ROBO1: variants seen among roughly 807,000 people sequenced by gnomAD.
ROBO1 encodes the protein roundabout guidance receptor 1, also known as roundabout homolog 1.
Under a neutral mutation model 195.9 loss-of-function variants are expected in ROBO1, and 149 were observed. The ratio of observed to expected loss-of-function variants is 0.76; its 90% CI spans 0.67 to 0.87. The LOEUF (loss-of-function observed/expected upper bound fraction) is 0.87. ROBO1 is among the 40% of genes least tolerant of loss of function. The pLI is 0.00. For synonymous variants in ROBO1, 816 were observed against 733.2 expected (o/e 1.11, Z -1.82); for missense variants, 1,933 against 2,068.3 (o/e 0.93, Z 1.27).
intron 2 of ROBO1, among the ~76,000 whole-genome samples, chr3:79,356,262 AC>A (rs1353157777): frequency 1.3e-5 from 2 of 152,112 alleles, no homozygotes; most frequent in Non-Finnish European, 2.9e-5. Context: ...AATCATCCAA[AC>A]CTGGGAGGTG....
chr3:78,952,244 A>G (rs967121479), intron 3 of ROBO1, among the ~76,000 whole-genome samples: 1 of 151,330 alleles, frequency 6.6e-6, no homozygotes, highest in South Asian at 2.1e-4. Flanking sequence ...AAACTGTTAA[A>G]AGCAGAAGAG....
chr3:79,535,714 G>A (rs1440997572), intron 2 of ROBO1, among the ~76,000 whole-genome samples: 2 of 151,968 alleles, frequency 1.3e-5, no homozygotes, highest in Non-Finnish European at 2.9e-5. Context: ...TTTACTCCCT[G>A]CCATTTCTTA....
intron 1 of ROBO1, among the ~76,000 whole-genome samples, chr3:79,608,807 G>T (rs1281902069): frequency 1.3e-5 from 2 of 151,906 alleles, no homozygotes; most frequent in Non-Finnish European, 2.9e-5. Flanking sequence ...CCTTGTGATA[G>T]ATTTTGCTGT....
At chr3:79,661,019 C>T (rs537205699) in intron 1 of ROBO1, among the ~76,000 whole-genome samples, 46 of 152,162 alleles carry the variant, frequency 3.0e-4, no homozygotes, top group African/African-American at 1.1e-3. Flanking sequence ...CCTAAAGGGC[C>T]TGATCCAACA....
intron 3 of ROBO1, among the ~76,000 whole-genome samples, chr3:79,012,449 C>T (rs1166631308): frequency 6.6e-6 from 1 of 152,162 alleles, no homozygotes; most frequent in Non-Finnish European, 1.5e-5. Context: ...TCTACAATTG[C>T]TTACCTTCTA....
chr3:79,541,295 C>G lies in ROBO1; in HGVS notation c.88+48529G>C, dbSNP rs548537177. ...CTTATAATTTAAGTGACGTGACAGG[C>G]CAATTCATGCCACTGATTTGACGTT... On this transcript the variant is annotated intron_variant, in intron 2 of 30. Coordinates refer to ENST00000464233, the MANE Select transcript of ROBO1 (RefSeq NM_002941.4). 3.9e-5 allele frequency among the ~76,000 whole-genome samples: 6 copies of G among 152,110 alleles called. No homozygotes were observed. In the South Asian group the frequency reaches 1.2e-3, roughly 32 times the overall value.
intron 5 of ROBO1, among the ~76,000 whole-genome samples, chr3:78,741,292 G>T (rs540683893): frequency 6.6e-6 from 1 of 152,258 alleles, no homozygotes; most frequent in South Asian, 2.1e-4. Flanking sequence ...TTGATGCCTG[G>T]AACTTGGTGC....
chr3:78,626,811 A>G (rs1704818696), intron 26 of ROBO1, among the ~76,000 whole-genome samples: 1 of 146,906 alleles, frequency 6.8e-6, no homozygotes, highest in Admixed American at 6.7e-5. Context: ...TAAACTACTC[A>G]AAACTCATAT....
intron 4 of ROBO1, among the ~76,000 whole-genome samples, chr3:78,854,366 A>G (rs900318895): frequency 2.4e-4 from 36 of 148,816 alleles, no homozygotes; most frequent in African/African-American, 8.5e-4. Flanking sequence ...ATATAAAAAT[A>G]TAAATACATA....
At chr3:79,518,605 C>T (rs1559959401) in intron 2 of ROBO1, among the ~76,000 whole-genome samples, 1 of 152,048 alleles carries the variant, frequency 6.6e-6, no homozygotes, top group Non-Finnish European at 1.5e-5. Flanking sequence ...GGAGTGATAA[C>T]AGAACATAAA....
chr3:78,619,596 G>A (rs2107414392), intron 26 of ROBO1, among the ~76,000 whole-genome samples: 1 of 151,898 alleles, frequency 6.6e-6, no homozygotes, highest in African/African-American at 2.4e-5. Context: ...CTAGGAGAAT[G>A]CACCTGGCAG....
chr3:79,548,124 A>T (rs376450930), intron 2 of ROBO1, among the ~76,000 whole-genome samples: 1 of 152,306 alleles, frequency 6.6e-6, no homozygotes, highest in East Asian at 1.9e-4. Context: ...CCAGCAAATC[A>T]TCTGAGAGAA....
intron 2 of ROBO1, among the ~76,000 whole-genome samples, chr3:79,412,685 A>G (rs1016028860): frequency 6.6e-6 from 1 of 152,074 alleles, no homozygotes; most frequent in African/African-American, 2.4e-5. Flanking sequence ...TTCTGTATTC[A>G]GAGAATACTG....
intron 3 of ROBO1, among the ~76,000 whole-genome samples, chr3:79,033,078 G>T (rs1277266727): frequency 6.6e-6 from 1 of 151,932 alleles, no homozygotes; most frequent in Non-Finnish European, 1.5e-5. Context: ...AAACTCCTAA[G>T]ATTTTAGTTT....
intron 2 of ROBO1, among the ~76,000 whole-genome samples, chr3:79,378,231 T>C (rs1284417052): frequency 2.0e-5 from 3 of 151,924 alleles, no homozygotes; most frequent in Admixed American, 6.6e-5. Context: ...CTCTGCTCTG[T>C]CCACTTTAGG....
intron 2 of ROBO1, among the ~76,000 whole-genome samples, chr3:79,547,725 A>C (rs1294877060): frequency 4.6e-5 from 7 of 152,174 alleles, no homozygotes; most frequent in African/African-American, 1.7e-4. Flanking sequence ...AAACCTTATA[A>C]ACATTAACAT....
intron 2 of ROBO1, among the ~76,000 whole-genome samples, chr3:79,473,368 G>C (rs1046336821): frequency 6.6e-6 from 1 of 152,030 alleles, no homozygotes; most frequent in Non-Finnish European, 1.5e-5. Flanking sequence ...GACTCCGGAG[G>C]GAACCAACCT....
chr3:78,598,886 T>C lies in ROBO1; in HGVS notation c.*27A>G. The C allele has an allele frequency of 6.6e-7, 1 of 1,522,460 alleles. No individual in the cohort carries two copies. Among genetic ancestry groups the C allele is most frequent in the Non-Finnish European group, 8.9e-7 (1 of 1,118,348 alleles). The allele number at this position is 1,522,460 out of a possible 1,614,324, so 94.3% of individuals were successfully genotyped here. A position where few individuals can be genotyped will look rare whatever the true frequency, so the allele number is the denominator to read the frequency against. ...GCATCTTGAGTGATGATTTTCACAT[T>C]AGATCTCATAAGCCTCTTGGTTGTC... On this transcript the variant is annotated 3_prime_UTR_variant, in exon 31 of 31. Coordinates refer to ENST00000464233, the MANE Select transcript of ROBO1 (RefSeq NM_002941.4).
intron 2 of ROBO1, among the ~76,000 whole-genome samples, chr3:79,160,159 G>A (rs961518745): frequency 6.6e-6 from 1 of 151,712 alleles, no homozygotes; most frequent in Admixed American, 6.6e-5. Context: ...TAACGCTATT[G>A]TAAATTATAC....
Sources: allele counts gnomAD v4.1 joint callset (sites outside exome capture counted in the v4.1 genomes callset), GRCh38; gene constraint gnomAD v4.1.1; transcripts MANE v1.5; gene names NCBI Gene and HGNC (gene_info 2026-07-23, HGNC 2026-07-21).